The following RP1 variants were observed in gnomAD, a reference collection of about 807,000 sequenced individuals.
The protein encoded by RP1 is RP1 axonemal microtubule associated.
A neutral mutation model predicts 14.8 loss-of-function variants in RP1; 16 were observed. The ratio of observed to expected loss-of-function variants is 1.08; its 90% CI spans 0.73 to 1.65. The LOEUF is 1.65. RP1 is among the 40% of genes most tolerant of loss of function. The pLI is 0.00. For synonymous variants in RP1, 876 were observed against 883.6 expected, an observed-to-expected ratio of 0.99 and a Z score of 0.15; for missense variants, 2,631 against 2,535.0, an observed-to-expected ratio of 1.04 and a Z score of -0.81.
At chr8:54,602,291 G>GT (rs1165544138) in intron 1 of RP1, among the ~76,000 whole-genome samples, 1 of 152,088 alleles carries the variant, frequency 6.6e-6, no homozygotes, top group Non-Finnish European at 1.5e-5. Context: ...GCGGTGTTTG[G>GT]TTTTTTGTCC....
chr8:54,685,071 G>A (rs1441132065), intron 12 of RP1, among the ~76,000 whole-genome samples: 1 of 152,090 alleles, frequency 6.6e-6, no homozygotes, highest in East Asian at 1.9e-4. Flanking sequence ...GATAGGTGCA[G>A]CAGTCTGTCT....
At chr8:54,661,733 C>T (rs770971594) in intron 6 of RP1, among the ~76,000 whole-genome samples, 4 of 152,088 alleles carry the variant, frequency 2.6e-5, no homozygotes, top group African/African-American at 4.8e-5. Flanking sequence ...TGGTACTTCA[C>T]GCCCATGAAT....
intron 7 of RP1, among the ~76,000 whole-genome samples, chr8:54,668,781 T>G (rs1412454579): frequency 3.3e-5 from 5 of 152,158 alleles, no homozygotes; most frequent in Admixed American, 6.5e-5. Flanking sequence ...GGGGAAAGGA[T>G]TCCCTATTTA....
intron 7 of RP1, among the ~76,000 whole-genome samples, chr8:54,669,920 C>T (rs1040571947): frequency 6.6e-6 from 1 of 152,004 alleles, no homozygotes; most frequent in Non-Finnish European, 1.5e-5. Flanking sequence ...GGAGAAATAC[C>T]TAATGTAAAT....
chr8:54,778,321 C>CTTTTT (rs35643905), intron 23 of RP1, among the ~76,000 whole-genome samples: 6 of 96,756 alleles, frequency 6.2e-5, no homozygotes, highest in Admixed American at 1.1e-4. Context: ...GCTTCTTCTT[C>CTTTTT]TTTTTTTTTT....
At chr8:54,755,219 G>T (rs1809471927) in intron 20 of RP1, among the ~76,000 whole-genome samples, 1 of 152,092 alleles carries the variant, frequency 6.6e-6, no homozygotes, top group Admixed American at 6.5e-5. Flanking sequence ...TTTGCCTGGG[G>T]CCAGCTTACC....
At chr8:54,610,022 C>G (rs1378386846) in intron 1 of RP1, among the ~76,000 whole-genome samples, 5 of 152,194 alleles carry the variant, frequency 3.3e-5, no homozygotes, top group Non-Finnish European at 5.9e-5. Flanking sequence ...AAAAATTTAT[C>G]TCCACGTGCT....
chr8:54,641,892 C>T (rs1467980806), intron 3 of RP1, among the ~76,000 whole-genome samples: 2 of 152,174 alleles, frequency 1.3e-5, no homozygotes. Flanking sequence ...AATCAAGTTT[C>T]AGACTAGATC....
intron 12 of RP1, among the ~76,000 whole-genome samples, chr8:54,690,649 G>A (rs577184828): frequency 1.3e-5 from 2 of 152,088 alleles, no homozygotes; most frequent in African/African-American, 4.8e-5. Flanking sequence ...AATGGCTGCT[G>A]ATTTTTTCTG....
chr8:54,603,981 C>G (rs901309106), intron 1 of RP1, among the ~76,000 whole-genome samples: 7 of 152,318 alleles, frequency 4.6e-5, no homozygotes, highest in Admixed American at 2.0e-4. Context: ...ATGTCATCTG[C>G]AAACAGGACA....
At chr8:54,738,965 A>T in exon 19 of RP1, 1 of 1,506,160 alleles carries the variant, frequency 6.6e-7, no homozygotes, top group East Asian at 2.5e-5. Flanking sequence ...AACACTGGAA[A>T]CATATATAAG....
At chr8:54,766,030 G>A (rs1809752423) in intron 22 of RP1, among the ~76,000 whole-genome samples, 1 of 152,048 alleles carries the variant, frequency 6.6e-6, no homozygotes, top group African/African-American at 2.4e-5. Flanking sequence ...GGAGGGAGGG[G>A]GGTAAGGACG....
chr8:54,824,971 TTA>T (rs202107900), intron 24 of RP1, among the ~76,000 whole-genome samples: 15 of 150,426 alleles, frequency 1.0e-4, no homozygotes, highest in African/African-American at 2.4e-4. Flanking sequence ...TTTTTTTTTT[TTA>T]ATTTATTTAT....
In RP1 at chr8:54,627,097, A is replaced by T. The variant is rs756775228; in HGVS notation, c.3215A>T (p.Asp1072Val). 3 of 1,614,118 alleles carry T rather than the reference A, an allele frequency of 1.9e-6. No individual in the cohort carries two copies. Among genetic ancestry groups the T allele is most frequent in the South Asian group, 1.1e-5 (1 of 91,078 alleles). ...RQSVEAAIQV[D>V]PIEEETPKDL... Reference sequence around the variant, plus strand: ...AGTGTAGAGGCTGCCATTCAAGTAGATCCTATAGAAGAGGAAACTCCAAAA... The same window carrying T: ...AGTGTAGAGGCTGCCATTCAAGTAGTTCCTATAGAAGAGGAAACTCCAAAA... Residue 1072 changes from aspartate to valine, a missense_variant, in exon 4 of 4, where the codon GAT (aspartate) becomes GTT (valine). By Grantham distance (152) the Asp-to-Val change is radical. Coordinates refer to ENST00000220676, the MANE Select transcript of RP1 (RefSeq NM_006269.2).
At chr8:54,754,733 C>A in intron 19 of RP1, 2 of 1,401,978 alleles carry the variant, frequency 1.4e-6, no homozygotes, top group Non-Finnish European at 1.9e-6. Flanking sequence ...CCCTGGGATG[C>A]ATTGTGAATT....
intron 25 of RP1, among the ~76,000 whole-genome samples, chr8:54,847,048 G>A (rs1441688614): frequency 1.3e-5 from 2 of 152,146 alleles, no homozygotes; most frequent in East Asian, 3.9e-4. Flanking sequence ...TGGTCAACAG[G>A]ATGCTTCCTC....
At chr8:54,806,394 A>T (rs542652148) in intron 24 of RP1, among the ~76,000 whole-genome samples, 315 of 152,188 alleles carry the variant, frequency 2.1e-3, no homozygotes, top group Admixed American at 6.0e-3. Flanking sequence ...AATCATGGAC[A>T]TTTATCTTAG....
chr8:54,803,253 A>G (rs1377704933), intron 24 of RP1, among the ~76,000 whole-genome samples: 8 of 152,202 alleles, frequency 5.3e-5, no homozygotes, highest in Non-Finnish European at 1.5e-5. Flanking sequence ...GGGACTCTAT[A>G]TGAACATGTT....
At chr8:54,772,670 A>G (rs1809937083), downstream of RP1, among the ~76,000 whole-genome samples, 1 of 152,210 alleles carries the variant, frequency 6.6e-6, no homozygotes, top group Non-Finnish European at 1.5e-5. Context: ...AGGTTTTTAT[A>G]ACTTGCCTAA....
Sources: gnomAD v4.1 joint callset for allele counts (sites outside exome capture counted in the v4.1 genomes callset) on GRCh38, gnomAD v4.1.1 for gene constraint, MANE v1.5 for transcripts, NCBI Gene and HGNC (gene_info 2026-07-23, HGNC 2026-07-21) for gene names.